The following ALDH1L2 variants were observed in gnomAD, a reference collection of about 807,000 sequenced individuals.
ALDH1L2 encodes the protein mitochondrial 10-formyltetrahydrofolate dehydrogenase.
Under a neutral mutation model 111.0 loss-of-function variants are expected in ALDH1L2, and 91 were observed. That is an observed-to-expected ratio of 0.82 (90% CI 0.69 to 0.98). The LOEUF (loss-of-function observed/expected upper bound fraction) is 0.98, where lower values mean the gene tolerates loss of function less well. Ranked by LOEUF, ALDH1L2 falls within the 50% of genes least tolerant of loss-of-function variation. The probability of loss-of-function intolerance (pLI) is 0.00; values close to 1 mark genes in which losing one functional copy is unlikely to be tolerated. For synonymous variants in ALDH1L2, 374 were observed against 392.6 expected, an observed-to-expected ratio of 0.95 and a Z score of 0.56; for missense variants, 995 against 1,126.8, an observed-to-expected ratio of 0.88 and a Z score of 1.67.
intron 12 of ALDH1L2, chr12:105,050,774 G>C (rs1297794093): frequency 2.4e-6 from 1 of 413,210 alleles, no homozygotes; most frequent in Non-Finnish European, 4.8e-6. Context: ...ATGTGCAGGG[G>C]AACTGCCCTT....
rs1877092434 is a variant in ALDH1L2, at chr12:105,062,959, T to C, written c.850A>G (p.Ile284Val). The C allele has an allele frequency of 6.2e-7, 1 of 1,614,198 alleles. No homozygotes were observed. Among genetic ancestry groups the C allele is most frequent in the Non-Finnish European group, 8.5e-7 (1 of 1,180,030 alleles). Residue 284 changes from isoleucine (I) to valine (V), a missense_variant, in exon 7 of 23, where the codon ATT becomes GTT. Coordinates refer to ENST00000258494, the MANE Select transcript of ALDH1L2 (RefSeq NM_001034173.4). ...AGACCAGGCTTCTTGGCACCTTTAATTTCCAGTGGTTCTCCAGGAGGCACA... is the reference window on the plus strand; with the variant it reads ...AGACCAGGCTTCTTGGCACCTTTAACTTCCAGTGGTTCTCCAGGAGGCACA... ...SSVPPGEPLEIKGAKKPGLVT... is the reference protein window; with the variant it reads ...SSVPPGEPLEVKGAKKPGLVT...
chr12:105,052,868 A>C lies in ALDH1L2; in HGVS notation c.1351T>G (p.Phe451Val). ...MPYQCFINGQ[F>V]TDADDGKTYD... is the part of the protein sequence containing the mutation. The stretch of plus-strand genomic sequence containing the variant: ...GTCTTTCCATCGTCTGCATCTGTGA[A>C]CTGTCCATTTATGAAACACTGGTAT... The change falls in exon 11 of 23, where the codon TTC becomes GTC. Residue 451 changes from phenylalanine (F) to valine (V), a missense_variant. Coordinates refer to ENST00000258494, the MANE Select transcript of ALDH1L2 (RefSeq NM_001034173.4). 1 of 1,614,102 alleles carries C rather than the reference A, an allele frequency of 6.2e-7. No homozygotes were observed. Among genetic ancestry groups the C allele is most frequent in the Non-Finnish European group, 8.5e-7 (1 of 1,180,000 alleles).
At position 105,024,371 on chromosome 12, in the gene ALDH1L2, G is replaced by T; in HGVS notation, c.*53C>A. 4 of 1,597,394 alleles carry T rather than the reference G, an allele frequency of 2.5e-6. No individual in the cohort carries two copies. In the South Asian group the frequency reaches 3.3e-5, roughly 13 times the overall value. On this transcript the variant is annotated 3_prime_UTR_variant, in exon 23 of 23. Transcript: ENST00000258494. ...CAACACACCCAATCTTCTTAAGTGTGTCCAGAGTTGTAAAGGGCTGTCTGT... is the reference window on the plus strand; with the variant it reads ...CAACACACCCAATCTTCTTAAGTGTTTCCAGAGTTGTAAAGGGCTGTCTGT...
intron 12 of ALDH1L2, chr12:105,050,304 G>A: frequency 3.6e-6 from 1 of 277,608 alleles, no homozygotes; most frequent in Non-Finnish European, 6.7e-6. Flanking sequence ...CCTCATCTAT[G>A]TGTAAGAAGT....
At chr12:105,082,563 TTG>T (rs1878379934) in intron 1 of ALDH1L2, among the ~76,000 whole-genome samples, 1 of 152,192 alleles carries the variant, frequency 6.6e-6, no homozygotes, top group South Asian at 2.1e-4. Context: ...TAGAATTCCA[TTG>T]TATGGATGGA....
At chr12:105,066,108 C>G (rs977430837) in intron 5 of ALDH1L2, among the ~76,000 whole-genome samples, 4 of 152,152 alleles carry the variant, frequency 2.6e-5, no homozygotes, top group African/African-American at 9.7e-5. Flanking sequence ...GCCACTGTGC[C>G]CAGCGCACCT....
At chr12:105,038,252 TC>T in intron 17 of ALDH1L2, 50 bp from the exon 18 acceptor site, 1 of 807,750 alleles carries the variant, frequency 1.2e-6, no homozygotes, top group African/African-American at 2.1e-5. Context: ...TCTCTCTCTC[TC>T]TCTCTCTCAC....
Position 105,084,429 on chromosome 12 carries a change from CGCA to C in ALDH1L2, c.5_7del (p.Leu2del). The C allele has an allele frequency of 1.3e-6, 2 of 1,495,950 alleles. No individual in the cohort carries two copies. Among genetic ancestry groups the C allele is most frequent in the Non-Finnish European group, 1.8e-6 (2 of 1,130,318 alleles). The allele number at this position is 1,495,950 out of a possible 1,614,324, so 92.7% of individuals were successfully genotyped here. Reference sequence around the variant, plus strand: ...GCGCCGGAGCGCCTGGCTGCCCCGCCGCAGCATGCTGGAGAGGAGCGCTAGCAC... The same window carrying C: ...GCGCCGGAGCGCCTGGCTGCCCCGCCGCATGCTGGAGAGGAGCGCTAGCAC... On this transcript the variant is annotated inframe_deletion, in exon 1 of 23. Coordinates refer to ENST00000258494, the MANE Select transcript of ALDH1L2 (RefSeq NM_001034173.4).
Position 105,083,298 on chromosome 12 carries a change from C to G in ALDH1L2, c.48+1091G>C, listed in dbSNP as rs374710303. 1.4e-3 allele frequency among the ~76,000 whole-genome samples: 209 copies of G among 152,210 alleles called. 1 individual carries two copies. Among genetic ancestry groups the G allele is most frequent in the African/African-American group, 4.8e-3 (201 of 41,488 alleles). On this transcript the variant is annotated intron_variant, in intron 1 of 22. Coordinates refer to ENST00000258494, the MANE Select transcript of ALDH1L2 (RefSeq NM_001034173.4). ...CTAATGAGGGGTCCAGGAGAGCAGG[C>G]CAAAGTCCTAGCAGAGCAGGTCTTC...
chr12:105,030,203 T>C (rs955638318), intron 21 of ALDH1L2, 121 bp downstream of exon 21: 1 of 586,246 alleles, frequency 1.7e-6, no homozygotes, highest in Non-Finnish European at 2.7e-6. Flanking sequence ...TTAAGTTAAT[T>C]ATTCTTATGG....
At chr12:105,077,363 C>T (rs987124128) in intron 1 of ALDH1L2, among the ~76,000 whole-genome samples, 5 of 151,798 alleles carry the variant, frequency 3.3e-5, no homozygotes, top group Non-Finnish European at 5.9e-5. Context: ...CTCCGCCTTC[C>T]GGGTTCAAGC....
At chr12:105,024,957 G>C (rs1874342761) in intron 22 of ALDH1L2, among the ~76,000 whole-genome samples, 1 of 152,204 alleles carries the variant, frequency 6.6e-6, no homozygotes, top group African/African-American at 2.4e-5. Context: ...GCACAGGAAA[G>C]TTTGAAATCA....
intron 1 of ALDH1L2, among the ~76,000 whole-genome samples, chr12:105,080,349 G>A (rs1878279948): frequency 6.6e-6 from 1 of 151,978 alleles, no homozygotes; most frequent in Non-Finnish European, 1.5e-5. Context: ...TACTAGTTTG[G>A]TTGAGTGTAT....
intron 5 of ALDH1L2, among the ~76,000 whole-genome samples, chr12:105,066,072 C>T (rs1047264462): frequency 8.5e-5 from 13 of 152,268 alleles, no homozygotes; most frequent in African/African-American, 2.2e-4. Context: ...CCTCAGCCTC[C>T]CAAAGTGCTG....
chr12:105,069,547 CAG>C (rs1304355917), intron 3 of ALDH1L2, among the ~76,000 whole-genome samples: 1 of 152,192 alleles, frequency 6.6e-6, no homozygotes, highest in African/African-American at 2.4e-5. Flanking sequence ...CATGTGGAAA[CAG>C]TGTAAATTGA....
intron 15 of ALDH1L2, among the ~76,000 whole-genome samples, chr12:105,042,507 G>T: frequency 6.6e-6 from 1 of 152,126 alleles, no homozygotes; most frequent in Non-Finnish European, 1.5e-5. Flanking sequence ...CTTCAATGGG[G>T]TCATGTTATT....
At chr12:105,027,849 A>G (rs1032505430) in intron 21 of ALDH1L2, among the ~76,000 whole-genome samples, 1 of 152,160 alleles carries the variant, frequency 6.6e-6, no homozygotes, top group Non-Finnish European at 1.5e-5. Flanking sequence ...ATACCTCTTT[A>G]TGCTATGGTG....
At chr12:105,052,304 A>G in intron 11 of ALDH1L2, 87 bp from the exon 12 acceptor site, 1 of 1,312,204 alleles carries the variant, frequency 7.6e-7, no homozygotes. Context: ...GAAAAAATAG[A>G]GTATTACTGA....
At chr12:105,065,954 C>T (rs1304136403) in intron 5 of ALDH1L2, among the ~76,000 whole-genome samples, 1 of 152,116 alleles carries the variant, frequency 6.6e-6, no homozygotes, top group East Asian at 1.9e-4. Flanking sequence ...CTTCTCTGCC[C>T]TAAGCTGAAC....
Sources: gnomAD v4.1 joint callset for allele counts (sites outside exome capture counted in the v4.1 genomes callset) on GRCh38, gnomAD v4.1.1 for gene constraint, MANE v1.5 for transcripts, NCBI Gene and HGNC (gene_info 2026-07-23, HGNC 2026-07-21) for gene names.